Variants in SPIDR observed in about 807,000 individuals in gnomAD.
The protein encoded by SPIDR is DNA repair-scaffolding protein.
In SPIDR, 93 loss-of-function variants were observed where a neutral mutation model predicts 104.6. The ratio of observed to expected loss-of-function variants is 0.89; its 90% CI spans 0.75 to 1.06. SPIDR has a LOEUF of 1.06. SPIDR is among the 50% of genes least tolerant of loss of function. The pLI is 0.00. For missense variants in SPIDR, 1,154 were observed against 1,111.2 expected (o/e 1.04, Z -0.55); for synonymous variants, 431 against 416.9 (o/e 1.03, Z -0.41).
intron 10 of SPIDR, among the ~76,000 whole-genome samples, chr8:47,603,706 T>C (rs2062594552): frequency 6.6e-6 from 1 of 152,184 alleles, no homozygotes. Flanking sequence ...CCAACTAATG[T>C]AATCTCTGTC....
intron 10 of SPIDR, among the ~76,000 whole-genome samples, chr8:47,601,357 A>C (rs1474986278): frequency 6.6e-6 from 1 of 152,186 alleles, no homozygotes; most frequent in Non-Finnish European, 1.5e-5. Flanking sequence ...AATGAATGGG[A>C]TATAGAATCC....
chr8:47,512,608 A>T (rs140135497), intron 8 of SPIDR, among the ~76,000 whole-genome samples: 10 of 152,144 alleles, frequency 6.6e-5, no homozygotes, highest in Non-Finnish European at 1.5e-4. Context: ...AGCCCTGACC[A>T]CGGAGAGGTG....
chr8:47,261,024 G>A (rs1250131627), intron 1 of SPIDR, 33 bp downstream of exon 1: 2 of 1,226,628 alleles, frequency 1.6e-6, no homozygotes, highest in Non-Finnish European at 2.0e-6. Flanking sequence ...GCGCCGCGCC[G>A]TTTCCCGCGT....
chr8:47,450,524 G>A (rs751811602), intron 8 of SPIDR, among the ~76,000 whole-genome samples: 2 of 152,174 alleles, frequency 1.3e-5, no homozygotes, highest in Non-Finnish European at 2.9e-5. Context: ...AAAGTGTTTT[G>A]TGCTCAAATA....
At chr8:47,296,712 T>C (rs2040903799) in intron 5 of SPIDR, among the ~76,000 whole-genome samples, 1 of 152,216 alleles carries the variant, frequency 6.6e-6, no homozygotes, top group African/African-American at 2.4e-5. Flanking sequence ...TTTGTTCTTT[T>C]CGCTTTGGCC....
chr8:47,713,524 C>G lies in SPIDR; in HGVS notation c.2224C>G (p.Leu742Val). The G allele has an allele frequency of 6.2e-7, 1 of 1,614,160 alleles. No individual in the cohort carries two copies. The highest frequency in any genetic ancestry group is 8.5e-7 in the Non-Finnish European group (1 of 1,180,022). Residue 742 changes from leucine (L) to valine (V), a missense_variant, in exon 16 of 20, where the codon CTT (leucine) becomes GTT (valine). By Grantham distance (32) the Leu-to-Val change is conservative (BLOSUM62 1). Transcript: ENST00000297423. The part of the protein sequence containing the change: ...IVCAERTVLL[L>V]QKPLLSVVSG... ...TTGTGCTGAACGAACTGTCCTCTTG[C>G]TTCAGAAGCCCCTTTTGAGTGTGGT... is the stretch of plus-strand genomic sequence containing the variant.
chr8:47,431,452 G>T (rs1439010867), intron 7 of SPIDR, among the ~76,000 whole-genome samples: 2 of 152,140 alleles, frequency 1.3e-5, no homozygotes, highest in Admixed American at 6.5e-5. Flanking sequence ...TTATTCTCAC[G>T]TGGAATTTCT....
chr8:47,345,300 C>G (rs1362637986), intron 5 of SPIDR, among the ~76,000 whole-genome samples: 2 of 152,134 alleles, frequency 1.3e-5, no homozygotes, highest in Non-Finnish European at 2.9e-5. Flanking sequence ...TCTGAGGGCT[C>G]TGTTTTGTTC....
chr8:47,437,756 T>C (rs1554693376), intron 7 of SPIDR, among the ~76,000 whole-genome samples: 1 of 151,834 alleles, frequency 6.6e-6, no homozygotes, highest in Non-Finnish European at 1.5e-5. Context: ...CTGGAGAGGA[T>C]GTGGAGAAAT....
intron 7 of SPIDR, among the ~76,000 whole-genome samples, chr8:47,412,712 T>C (rs560861096): frequency 7.0e-4 from 107 of 152,340 alleles, no homozygotes; most frequent in Middle Eastern, 3.4e-3. Flanking sequence ...TTTTAGTCTT[T>C]CAGTGATTCT....
At chr8:47,628,182 G>T (rs2066501347) in intron 10 of SPIDR, among the ~76,000 whole-genome samples, 1 of 152,164 alleles carries the variant, frequency 6.6e-6, no homozygotes, top group Non-Finnish European at 1.5e-5. Flanking sequence ...TGCTTCCTGA[G>T]ATAATGCTTT....
intron 14 of SPIDR, among the ~76,000 whole-genome samples, chr8:47,704,090 T>A (rs1369336268): frequency 6.6e-6 from 1 of 152,258 alleles, no homozygotes; most frequent in East Asian, 1.9e-4. Flanking sequence ...CAATTGCGTT[T>A]CCTTTCCTTC....
At chr8:47,454,308 T>A (rs1180047791) in intron 8 of SPIDR, among the ~76,000 whole-genome samples, 1 of 152,102 alleles carries the variant, frequency 6.6e-6, no homozygotes, top group African/African-American at 2.4e-5. Flanking sequence ...TAAAATAGGA[T>A]GAGTTCATGT....
chr8:47,319,547 G>A (rs1186521916), intron 5 of SPIDR, among the ~76,000 whole-genome samples: 1 of 152,086 alleles, frequency 6.6e-6, no homozygotes, highest in Non-Finnish European at 1.5e-5. Flanking sequence ...GAGACAGAAA[G>A]TTAACAAGGA....
chr8:47,683,559 T>G (rs1280906872), intron 11 of SPIDR, among the ~76,000 whole-genome samples: 1 of 152,206 alleles, frequency 6.6e-6, no homozygotes, highest in African/African-American at 2.4e-5. Context: ...TCTGAAATGC[T>G]TAGGACTAGG....
chr8:47,702,214 C>A (rs1408793165), intron 14 of SPIDR, among the ~76,000 whole-genome samples, 199 bp downstream of exon 14: 3 of 151,824 alleles, frequency 2.0e-5, no homozygotes, highest in African/African-American at 7.3e-5. Flanking sequence ...TTTTAAAGTC[C>A]AGTTAAGCAT....
chr8:47,517,062 G>A (rs555859766), intron 8 of SPIDR, among the ~76,000 whole-genome samples: 49 of 152,190 alleles, frequency 3.2e-4, no homozygotes, highest in African/African-American at 1.1e-3. Flanking sequence ...TCGGCTCACT[G>A]CAACCTCTGC....
At chr8:47,641,767 C>T (rs867451446) in intron 10 of SPIDR, among the ~76,000 whole-genome samples, 2 of 152,180 alleles carry the variant, frequency 1.3e-5, no homozygotes, top group Admixed American at 6.5e-5. Flanking sequence ...CATAGAAGCC[C>T]AGCTGACTGC....
Position 47,595,945 on chromosome 8 carries a change from G to A in SPIDR, c.1232G>A (p.Ser411Asn). 3 of 1,614,136 alleles carry A rather than the reference G, an allele frequency of 1.9e-6. No individual in the cohort carries two copies. The highest frequency in any genetic ancestry group is 2.5e-6 in the Non-Finnish European group (3 of 1,180,024). Residue 411 changes from serine (S) to asparagine (N), a missense_variant, in exon 9 of 20, where the codon AGC (serine) becomes AAC (asparagine). Physicochemically the swap from Ser to Asn is conservative, Grantham distance 46. Transcript: ENST00000297423. ...YCPDIPLPRR[S>N]ISLAQMFVIK... is the part of the protein sequence containing the mutation. Reference sequence around the variant, plus strand: ...CCGGACATACCCCTTCCAAGAAGAAGCATCTCTTTGGCCCAGATGTTTGTA... The same window carrying A: ...CCGGACATACCCCTTCCAAGAAGAAACATCTCTTTGGCCCAGATGTTTGTA...
Sources: gnomAD v4.1 joint callset for allele counts (sites outside exome capture counted in the v4.1 genomes callset) on GRCh38, gnomAD v4.1.1 for gene constraint, MANE v1.5 for transcripts, NCBI Gene and HGNC (gene_info 2026-07-23, HGNC 2026-07-21) for gene names.